Variants in EPB41L5 observed in about 807,000 individuals in gnomAD.
EPB41L5 encodes the protein band 4.1-like protein 5.
Under a neutral mutation model 106.6 loss-of-function variants are expected in EPB41L5, and 55 were observed. The observed-to-expected ratio is 0.52, with a 90% CI of 0.42 to 0.65. The LOEUF (loss-of-function observed/expected upper bound fraction) is 0.65, where lower values mean the gene tolerates loss of function less well. Ranked by LOEUF, EPB41L5 falls within the 30% of genes least tolerant of loss-of-function variation. EPB41L5 has a pLI of 0.00. For synonymous variants in EPB41L5, 297 were observed against 306.7 expected (o/e 0.97, Z 0.33); for missense variants, 871 against 882.1 (o/e 0.99, Z 0.16).
intron 9 of EPB41L5, among the ~76,000 whole-genome samples, chr2:120,077,587 A>T (rs933485769): frequency 6.6e-6 from 1 of 152,096 alleles, no homozygotes; most frequent in Non-Finnish European, 1.5e-5. Flanking sequence ...TTTTTTTGCT[A>T]TAAAAAATTG....
chr2:120,061,058 T>TTTTTTGTAG (rs869213241), intron 3 of EPB41L5, among the ~76,000 whole-genome samples: 1 of 139,120 alleles, frequency 7.2e-6, no homozygotes, highest in Admixed American at 7.3e-5. Context: ...TTTTTTTTTT[T>TTTTTTGTAG]GAGAAGGAGT....
intron 2 of EPB41L5, among the ~76,000 whole-genome samples, chr2:120,037,968 C>T (rs954163010): frequency 3.3e-5 from 5 of 152,158 alleles, no homozygotes; most frequent in African/African-American, 1.2e-4. Context: ...ATCTTCATGA[C>T]ATTAGATATG....
intron 20 of EPB41L5, among the ~76,000 whole-genome samples, chr2:120,151,184 C>T (rs1284648676): frequency 1.3e-5 from 2 of 152,010 alleles, no homozygotes; most frequent in Non-Finnish European, 2.9e-5. Flanking sequence ...CCTGTAGTCC[C>T]AGCTACTCGG....
intron 16 of EPB41L5, among the ~76,000 whole-genome samples, chr2:120,118,444 C>G (rs1482040401): frequency 6.6e-6 from 1 of 152,136 alleles, no homozygotes; most frequent in African/African-American, 2.4e-5. Context: ...TTTTGCTGCA[C>G]AGATCATACC....
At chr2:120,165,289 T>C (rs552987733) in intron 22 of EPB41L5, among the ~76,000 whole-genome samples, 1 of 152,236 alleles carries the variant, frequency 6.6e-6, no homozygotes, top group Non-Finnish European at 1.5e-5. Context: ...GAAGATACTG[T>C]ATTAAGTATA....
intron 16 of EPB41L5, chr2:120,105,983 A>G (rs1684431002): frequency 1.0e-6 from 1 of 985,424 alleles, no homozygotes; most frequent in Non-Finnish European, 1.2e-6. Flanking sequence ...GACTTCACTC[A>G]CTTTAAAATT....
At chr2:120,085,673 G>A (rs926247619) in intron 10 of EPB41L5, among the ~76,000 whole-genome samples, 6 of 152,040 alleles carry the variant, frequency 3.9e-5, no homozygotes, top group Non-Finnish European at 5.9e-5. Flanking sequence ...TTCTTGCTAG[G>A]GACTCTCTGA....
At chr2:120,145,171 A>G (rs898958313) in intron 19 of EPB41L5, among the ~76,000 whole-genome samples, 3 of 152,206 alleles carry the variant, frequency 2.0e-5, no homozygotes, top group African/African-American at 7.2e-5. Context: ...ACTTTAAAAG[A>G]GTTTGGCAAT....
chr2:120,120,319 C>G (rs2105446238), intron 16 of EPB41L5, among the ~76,000 whole-genome samples: 1 of 151,106 alleles, frequency 6.6e-6, no homozygotes, highest in Admixed American at 6.6e-5. Context: ...GTAGTCCCGG[C>G]TACATGGGAG....
chr2:120,087,109 T>A, intron 10 of EPB41L5, 62 bp from the exon 11 acceptor site: 1 of 1,060,690 alleles, frequency 9.4e-7, no homozygotes, highest in Non-Finnish European at 1.4e-6. Flanking sequence ...TAAAAACAAT[T>A]TTTTTCATAT....
At chr2:120,085,810 T>C (rs1201408318) in intron 10 of EPB41L5, among the ~76,000 whole-genome samples, 1 of 152,204 alleles carries the variant, frequency 6.6e-6, no homozygotes, top group East Asian at 1.9e-4. Flanking sequence ...AAATGTAACA[T>C]GCTTCCTGGC....
At chr2:120,047,220 G>C (rs1357542799) in intron 3 of EPB41L5, among the ~76,000 whole-genome samples, 1 of 152,146 alleles carries the variant, frequency 6.6e-6, no homozygotes, top group Non-Finnish European at 1.5e-5. Context: ...AGCTTGATGG[G>C]GACGGCATTG....
chr2:120,086,164 GCACTCCAGCCTTTGTGA>G (rs1433782604), intron 10 of EPB41L5, among the ~76,000 whole-genome samples: 1 of 152,158 alleles, frequency 6.6e-6, no homozygotes, highest in Non-Finnish European at 1.5e-5. Flanking sequence ...TCACGCCACT[GCACTCCAGCCTTTGTGA>G]CAGAGTGAGA....
chr2:120,030,199 C>A (rs1306649096), intron 2 of EPB41L5, among the ~76,000 whole-genome samples: 1 of 152,146 alleles, frequency 6.6e-6, no homozygotes, highest in Non-Finnish European at 1.5e-5. Flanking sequence ...CCGAAAAGAC[C>A]CCCTTCTTGC....
At chr2:120,020,317 G>C (rs1677835595) in intron 2 of EPB41L5, among the ~76,000 whole-genome samples, 1 of 152,150 alleles carries the variant, frequency 6.6e-6, no homozygotes, top group South Asian at 2.1e-4. Context: ...CCAAGTGAGA[G>C]TATAAGGAAT....
chr2:120,078,405 C>G, intron 9 of EPB41L5, 88 bp from the exon 10 acceptor site: 1 of 710,328 alleles, frequency 1.4e-6, no homozygotes, highest in South Asian at 2.0e-5. Flanking sequence ...TAATACAATT[C>G]AATACAAAAA....
chr2:120,167,422 C>T, intron 22 of EPB41L5, 44 bp from the exon 23 acceptor site: 2 of 1,506,996 alleles, frequency 1.3e-6, no homozygotes, highest in Non-Finnish European at 1.8e-6. Context: ...GAAAATAAGT[C>T]AGTCTTTCCA....
At chr2:120,037,905 C>T (rs1009472022) in intron 2 of EPB41L5, among the ~76,000 whole-genome samples, 4 of 152,068 alleles carry the variant, frequency 2.6e-5, no homozygotes, top group African/African-American at 9.7e-5. Context: ...AAAGATGGCT[C>T]AAAGACATAG....
At position 120,087,160 on chromosome 2, in the gene EPB41L5, T is replaced by C. The variant is rs773968949; in HGVS notation, c.804-11T>C. On this transcript the variant is annotated splice_polypyrimidine_tract_variant and intron_variant, in intron 10 of 24. Transcript: ENST00000263713. ...TTGTAATTTGGCTTTTATTCTCTTA[T>C]TATATTATAGGCCGAAGATAACCAG... 2.4e-5 allele frequency: 36 copies of C among 1,521,318 alleles called. No homozygotes were observed. The South Asian group carries it at 4.1e-4, about 17-fold the overall frequency. The allele number at this position is 1,521,318 out of a possible 1,614,324, so 94.2% of individuals were successfully genotyped here.
Sources: allele counts gnomAD v4.1 joint callset (sites outside exome capture counted in the v4.1 genomes callset), GRCh38; gene constraint gnomAD v4.1.1; transcripts MANE v1.5; gene names NCBI Gene and HGNC (gene_info 2026-07-23, HGNC 2026-07-21).